The following PDE4D variants were observed in gnomAD, a reference collection of about 807,000 sequenced individuals.
PDE4D encodes phosphodiesterase 4D.
PDE4D carries 24 observed loss-of-function variants against 87.4 expected under a neutral mutation model. The ratio of observed to expected loss-of-function variants is 0.27; its 90% CI spans 0.20 to 0.39. The LOEUF (loss-of-function observed/expected upper bound fraction) is 0.39. PDE4D is among the 10% of genes least tolerant of loss of function. PDE4D has a pLI of 1.00. For synonymous variants in PDE4D, 384 were observed against 383.2 expected, an observed-to-expected ratio of 1.00 and a Z score of -0.02; for missense variants, 714 against 1,041.0, an observed-to-expected ratio of 0.69 and a Z score of 4.32.
chr5:59,826,838 T>A (rs1462604175), intron 1 of PDE4D, among the ~76,000 whole-genome samples: 1 of 152,058 alleles, frequency 6.6e-6, no homozygotes, highest in African/African-American at 2.4e-5. Context: ...AATAGGAATA[T>A]ACAATAAAGA....
At chr5:60,117,106 TA>T (rs1778242200) in intron 2 of PDE4D, among the ~76,000 whole-genome samples, 1 of 152,102 alleles carries the variant, frequency 6.6e-6, no homozygotes, top group Admixed American at 6.6e-5. Flanking sequence ...TAAATAATTA[TA>T]ATTATAGTGT....
intron 1 of PDE4D, among the ~76,000 whole-genome samples, chr5:60,324,928 C>T (rs1201682650): frequency 6.6e-6 from 1 of 152,138 alleles, no homozygotes. Context: ...CTTATTCAGA[C>T]TAGAAAACTC....
chr5:60,074,119 G>T (rs1425640296), intron 2 of PDE4D, among the ~76,000 whole-genome samples: 1 of 152,076 alleles, frequency 6.6e-6, no homozygotes, highest in Non-Finnish European at 1.5e-5. Context: ...GTGATGTTAG[G>T]TTGTTTATTT....
rs1746821386 is a variant in PDE4D at position 60,460,267 on chromosome 5, T to C, written c.-90+27675A>G. 5 of 1,080,456 alleles carry C rather than the reference T, an allele frequency of 4.6e-6. No homozygotes were observed. In the Admixed American group the frequency reaches 8.5e-5, roughly 18 times the overall value. The allele number at this position is 1,080,456 out of a possible 1,614,324, so 66.9% of individuals were successfully genotyped here. On this transcript the variant is annotated intron_variant, in intron 1 of 16. Coordinates refer to the PDE4D transcript ENST00000502484. ...CTTTGAAGATGGATCACCACTCTCATTCAGATGAAATTCTTTGGATAGAAG... is the reference window on the plus strand; with the variant it reads ...CTTTGAAGATGGATCACCACTCTCACTCAGATGAAATTCTTTGGATAGAAG...
chr5:59,454,176 A>C (rs550058486), intron 1 of PDE4D, among the ~76,000 whole-genome samples: 1 of 152,322 alleles, frequency 6.6e-6, no homozygotes, highest in Non-Finnish European at 1.5e-5. Flanking sequence ...ATTTTTAAAA[A>C]TATATTACTG....
chr5:60,268,457 G>C (rs1030732307), intron 1 of PDE4D, among the ~76,000 whole-genome samples: 8 of 152,164 alleles, frequency 5.3e-5, no homozygotes, highest in Admixed American at 2.0e-4. Context: ...GACCCTCTTC[G>C]GGTGTGGACG....
chr5:59,331,770 A>G (rs928042837), intron 1 of PDE4D, among the ~76,000 whole-genome samples: 3 of 152,222 alleles, frequency 2.0e-5, no homozygotes, highest in Admixed American at 2.0e-4. Context: ...CAATTCTAAT[A>G]AAACACAGTC....
intron 1 of PDE4D, among the ~76,000 whole-genome samples, chr5:60,294,620 C>T (rs2149780570): frequency 6.6e-6 from 1 of 151,980 alleles, no homozygotes; most frequent in African/African-American, 2.4e-5. Context: ...TAAGCCTCTC[C>T]ATTCCTTTAT....
At chr5:60,336,979 T>C (rs927185452) in intron 1 of PDE4D, among the ~76,000 whole-genome samples, 2 of 152,050 alleles carry the variant, frequency 1.3e-5, no homozygotes, top group Non-Finnish European at 2.9e-5. Flanking sequence ...TCCTGGTGTA[T>C]AAAACATTAT....
chr5:60,024,264 C>G (rs1766394909), intron 2 of PDE4D, among the ~76,000 whole-genome samples: 1 of 152,142 alleles, frequency 6.6e-6, no homozygotes, highest in African/African-American at 2.4e-5. Flanking sequence ...CACATAACCA[C>G]TGGTTCAACC....
At chr5:59,504,349 G>A (rs1407966605) in intron 1 of PDE4D, among the ~76,000 whole-genome samples, 4 of 152,176 alleles carry the variant, frequency 2.6e-5, no homozygotes, top group African/African-American at 9.7e-5. Context: ...ATTATTTTGA[G>A]TAATTTGAAG....
intron 1 of PDE4D, among the ~76,000 whole-genome samples, chr5:59,857,146 G>A (rs1246588557): frequency 6.6e-6 from 1 of 152,200 alleles, no homozygotes; most frequent in Non-Finnish European, 1.5e-5. Flanking sequence ...CCTACACCAA[G>A]TGCACCACCT....
chr5:59,596,808 T>G (rs1391243058), intron 1 of PDE4D, among the ~76,000 whole-genome samples: 3 of 152,054 alleles, frequency 2.0e-5, no homozygotes, highest in Non-Finnish European at 1.5e-5. Context: ...ATTTGCTCTT[T>G]GGAATGTGAA....
At chr5:59,202,659 G>A (rs950091942) in intron 2 of PDE4D, among the ~76,000 whole-genome samples, 6 of 151,938 alleles carry the variant, frequency 3.9e-5, no homozygotes, top group Middle Eastern at 3.2e-3. Flanking sequence ...TCTTTCCTGC[G>A]TTGTTCTCAT....
chr5:59,441,984 T>C (rs1279135071), intron 1 of PDE4D, among the ~76,000 whole-genome samples: 3 of 151,878 alleles, frequency 2.0e-5, no homozygotes, highest in African/African-American at 7.3e-5. Context: ...AATTCACACA[T>C]CCATTATAGC....
At chr5:59,638,609 C>T (rs1415642915) in intron 1 of PDE4D, among the ~76,000 whole-genome samples, 2 of 152,114 alleles carry the variant, frequency 1.3e-5, no homozygotes, top group Admixed American at 6.5e-5. Flanking sequence ...TTCCTCAGTG[C>T]CCCCACCCTC....
chr5:59,727,929 T>A (rs976202150), intron 1 of PDE4D, among the ~76,000 whole-genome samples: 23 of 152,130 alleles, frequency 1.5e-4, no homozygotes, highest in African/African-American at 5.5e-4. Context: ...GAAAGACTAC[T>A]ATTGGCTTCA....
At chr5:59,244,716 GTGTGTGTA>G (rs1180081164) in intron 1 of PDE4D, among the ~76,000 whole-genome samples, 33 of 142,860 alleles carry the variant, frequency 2.3e-4, no homozygotes, top group Admixed American at 9.2e-4. Context: ...GTGTGTGTGT[GTGTGTGTA>G]TAGAGAGACC....
chr5:59,699,736 T>G (rs953425152), intron 1 of PDE4D, among the ~76,000 whole-genome samples: 3 of 152,168 alleles, frequency 2.0e-5, no homozygotes, highest in African/African-American at 7.2e-5. Flanking sequence ...GATAAGTACT[T>G]AAGAACCAAT....
Sources: allele counts gnomAD v4.1 joint callset (sites outside exome capture counted in the v4.1 genomes callset), GRCh38; gene constraint gnomAD v4.1.1; transcripts MANE v1.5; gene names NCBI Gene and HGNC (gene_info 2026-07-23, HGNC 2026-07-21).